BLNK: variants seen among roughly 807,000 people sequenced by gnomAD.
BLNK encodes the protein B cell linker, also known as B-cell linker protein.
A neutral mutation model predicts 73.5 loss-of-function variants in BLNK; 29 were observed. The ratio of observed to expected loss-of-function variants is 0.39; its 90% CI spans 0.29 to 0.54. The LOEUF (loss-of-function observed/expected upper bound fraction) is 0.54, where lower values mean the gene tolerates loss of function less well. Among genes scored for constraint, BLNK ranks in the 20% least tolerant of loss-of-function variants. The pLI is 0.61. For synonymous variants in BLNK, 176 were observed against 200.8 expected, an observed-to-expected ratio of 0.88 and a Z score of 1.04; for missense variants, 460 against 562.8, an observed-to-expected ratio of 0.82 and a Z score of 1.85.
At position 96,216,717 on chromosome 10, in the gene BLNK, G is replaced by A. The variant is rs147302301; in HGVS notation, c.543C>T (p.Pro181=). ...LLEDEADYVV[P]VEDNDENYIH... Reference sequence around the variant, plus strand: ...TATAGTTTTCATCATTATCTTCCACGGGGACCACATAATCAGCCTAACAGA... The same window carrying A: ...TATAGTTTTCATCATTATCTTCCACAGGGACCACATAATCAGCCTAACAGA... The change falls in exon 7 of 17, where the codon CCC becomes CCT. Residue 181 remains proline, a synonymous_variant. Transcript: ENST00000224337. 14 of 1,613,832 alleles carry A rather than the reference G, an allele frequency of 8.7e-6. No homozygotes were observed. The highest frequency in any genetic ancestry group is 1.7e-5 in the Admixed American group (1 of 59,988).
intron 1 of BLNK, among the ~76,000 whole-genome samples, chr10:96,270,659 C>A (rs935267528): frequency 1.3e-5 from 2 of 151,728 alleles, no homozygotes; most frequent in East Asian, 3.9e-4. Context: ...ACTGCACTCC[C>A]AGAACTTTAA....
At chr10:96,244,884 T>C (rs1842993697) in intron 2 of BLNK, among the ~76,000 whole-genome samples, 1 of 151,876 alleles carries the variant, frequency 6.6e-6, no homozygotes, top group Admixed American at 6.6e-5. Context: ...AACTGGTGTA[T>C]TGTAAAACTG....
At chr10:96,203,840 A>C in intron 13 of BLNK, 1 of 426,448 alleles carries the variant, frequency 2.3e-6, no homozygotes, top group Non-Finnish European at 4.2e-6. Context: ...ATCGCTACTA[A>C]AAAAAGTAAA....
At chr10:96,269,421 C>A (rs75426085) in intron 1 of BLNK, among the ~76,000 whole-genome samples, 3,174 of 136,656 alleles carry the variant, frequency 0.023, 110 homozygotes, top group African/African-American at 0.075. Flanking sequence ...TGTCTGAAAA[C>A]AAAAAAAAAA....
chr10:96,233,527 C>A (rs1206498160), intron 3 of BLNK, among the ~76,000 whole-genome samples: 1 of 152,204 alleles, frequency 6.6e-6, no homozygotes, highest in Non-Finnish European at 1.5e-5. Context: ...GCGGCAGGCT[C>A]CCACGCTCAC....
At chr10:96,262,183 T>C (rs1042437405) in intron 1 of BLNK, among the ~76,000 whole-genome samples, 11 of 152,192 alleles carry the variant, frequency 7.2e-5, no homozygotes, top group African/African-American at 2.4e-4. Flanking sequence ...GGTTATCAGA[T>C]AAATGAGTCC....
At chr10:96,235,909 A>G (rs896580397) in intron 3 of BLNK, among the ~76,000 whole-genome samples, 1 of 151,954 alleles carries the variant, frequency 6.6e-6, no homozygotes, top group Non-Finnish European at 1.5e-5. Flanking sequence ...GCTGCCGGCC[A>G]GTGGGGGCTC....
At position 96,227,998 on chromosome 10, in the gene BLNK, A is replaced by G. The variant is rs907656544; in HGVS notation, c.205-432T>C. 1.8e-4 allele frequency among the ~76,000 whole-genome samples: 28 copies of G among 152,114 alleles called. 1 individual carries two copies. The highest frequency in any genetic ancestry group is 6.3e-4 in the African/African-American group (26 of 41,416). On this transcript the variant is annotated intron_variant, in intron 4 of 16. Transcript: ENST00000224337. ...TGAGGAGACACACAGGGCCAGCTAGATATCTTTCAGATGAGATTTTTTAAA... is the reference window on the plus strand; with the variant it reads ...TGAGGAGACACACAGGGCCAGCTAGGTATCTTTCAGATGAGATTTTTTAAA...
chr10:96,201,790 T>C (rs1324095592), intron 13 of BLNK, among the ~76,000 whole-genome samples: 1 of 152,146 alleles, frequency 6.6e-6, no homozygotes, highest in African/African-American at 2.4e-5. Context: ...CTGCCATGGA[T>C]CAAAGGCATT....
At chr10:96,212,112 C>G (rs1307196003) in intron 8 of BLNK, among the ~76,000 whole-genome samples, 4 of 152,118 alleles carry the variant, frequency 2.6e-5, no homozygotes, top group African/African-American at 9.7e-5. Flanking sequence ...TCCTTTCCTT[C>G]CCTATAAATA....
rs140464403 is a variant in BLNK, at chr10:96,242,881, T to C, written c.114-97A>G. The C allele has an allele frequency of 4.2e-4, 408 of 976,958 alleles. 1 individual carries two copies. In the African/African-American group the frequency reaches 5.6e-3, roughly 13 times the overall value. 60.5% of individuals were successfully genotyped at this position (976,958 alleles called of 1,614,324 possible). A position where few individuals can be genotyped will look rare whatever the true frequency, so the allele number is the denominator to read the frequency against. The stretch of plus-strand genomic sequence containing the variant: ...GATATAGACAGAATAGATAGACAAC[T>C]AATAGCATAATGGCTTCTCTTGGAC... On this transcript the variant is annotated intron_variant, in intron 2 of 16. Coordinates refer to ENST00000224337, the MANE Select transcript of BLNK (RefSeq NM_013314.4).
At chr10:96,259,411 G>C (rs1307176209) in intron 1 of BLNK, among the ~76,000 whole-genome samples, 1 of 152,188 alleles carries the variant, frequency 6.6e-6, no homozygotes, top group East Asian at 1.9e-4. Context: ...TGGGAGGCAG[G>C]AGGGAATGCG....
intron 16 of BLNK, among the ~76,000 whole-genome samples, chr10:96,196,060 A>G (rs1489262674): frequency 1.3e-5 from 2 of 152,218 alleles, no homozygotes; most frequent in East Asian, 3.8e-4. Context: ...AACAATTCAA[A>G]TATTTTCTAG....
intron 1 of BLNK, among the ~76,000 whole-genome samples, chr10:96,253,509 C>G (rs1554909835): frequency 6.6e-6 from 1 of 152,168 alleles, no homozygotes; most frequent in Non-Finnish European, 1.5e-5. Flanking sequence ...TTTCTTCAAA[C>G]CCAGCCTCTC....
At chr10:96,235,739 A>G (rs1180474785) in intron 3 of BLNK, among the ~76,000 whole-genome samples, 1 of 152,096 alleles carries the variant, frequency 6.6e-6, no homozygotes, top group Non-Finnish European at 1.5e-5. Context: ...GATTTGGGTG[A>G]GAGAATAAGG....
rs1254237231 is a variant in BLNK, at chr10:96,200,461, C to T, written c.1012-303G>A. Among the ~76,000 whole-genome samples the T allele has an allele frequency of 6.6e-6, 1 of 152,112 alleles. No homozygotes were observed. The highest frequency in any genetic ancestry group is 2.4e-5 in the African/African-American group (1 of 41,412). ...TGCTCTTACTTTGTGGAGTGCTTTA[C>T]AATTTCCAAAGCATTTTTACAAATA... On this transcript the variant is annotated intron_variant, in intron 14 of 16. Coordinates refer to ENST00000224337, the MANE Select transcript of BLNK (RefSeq NM_013314.4). This position sits in a 1 kb window ranked among gnomAD's most constrained non-coding sequence, Gnocchi z 4.3.
At chr10:96,204,842 C>T (rs1310119095) in intron 11 of BLNK, 1 of 501,744 alleles carries the variant, frequency 2.0e-6, no homozygotes, top group South Asian at 2.0e-5. Context: ...ATCCTACCAC[C>T]TCTGCATTCA....
intron 1 of BLNK, among the ~76,000 whole-genome samples, chr10:96,259,584 A>G (rs1346445193): frequency 6.8e-6 from 1 of 148,078 alleles, no homozygotes; most frequent in Admixed American, 6.8e-5. Context: ...ACACACAAGC[A>G]TCTTGCTGCC....
chr10:96,266,673 A>T (rs1165774226), intron 1 of BLNK, among the ~76,000 whole-genome samples: 1 of 152,180 alleles, frequency 6.6e-6, no homozygotes, highest in Non-Finnish European at 1.5e-5. Flanking sequence ...AGGCAGTGTG[A>T]GGGGATGGGA....
Sources: allele counts gnomAD v4.1 joint callset (sites outside exome capture counted in the v4.1 genomes callset), GRCh38; gene constraint gnomAD v4.1.1; non-coding constraint Gnocchi (gnomAD v3.1); transcripts MANE v1.5; gene names NCBI Gene and HGNC (gene_info 2026-07-23, HGNC 2026-07-21).